CEP83: variants seen among roughly 807,000 people sequenced by gnomAD.
The protein encoded by CEP83 is centrosomal protein 83, also known as centrosomal protein of 83 kDa.
In CEP83, 70 loss-of-function variants were observed where a neutral mutation model predicts 101.9. The observed-to-expected ratio is 0.69, with a 90% CI of 0.57 to 0.84. CEP83 has a LOEUF of 0.84. CEP83 is among the 40% of genes least tolerant of loss of function. The pLI is 0.00. For missense variants in CEP83, 715 were observed against 787.2 expected (o/e 0.91, Z 1.10); for synonymous variants, 264 against 267.9 (o/e 0.99, Z 0.14).
At chr12:94,426,836 A>G (rs2065238628) in intron 2 of CEP83, among the ~76,000 whole-genome samples, 1 of 152,214 alleles carries the variant, frequency 6.6e-6, no homozygotes, top group African/African-American at 2.4e-5. Context: ...GACTGGAAAG[A>G]TGTAGCCATA....
chr12:94,361,846 C>T lies in CEP83; in HGVS notation c.1343+5948G>A, dbSNP rs139138290. Among the ~76,000 whole-genome samples, 215 of 152,114 alleles carry T rather than the reference C, an allele frequency of 1.4e-3. 1 individual carries two copies. The East Asian group carries it at 0.036, about 26-fold the overall frequency. ...CCTCCAGTGTAGCTGGGATTACTGGCGCACACTACCAGGCCCAGCTAATTT... is the reference window on the plus strand; with the variant it reads ...CCTCCAGTGTAGCTGGGATTACTGGTGCACACTACCAGGCCCAGCTAATTT... On this transcript the variant is annotated intron_variant, in intron 11 of 16. Coordinates refer to ENST00000397809, the MANE Select transcript of CEP83 (RefSeq NM_016122.3).
intron 1 of CEP83, among the ~76,000 whole-genome samples, chr12:94,456,694 G>C (rs991364808): frequency 6.6e-6 from 1 of 152,142 alleles, no homozygotes; most frequent in Non-Finnish European, 1.5e-5. Flanking sequence ...ACAGTATGGG[G>C]GAAACCGCCG....
intron 8 of CEP83, among the ~76,000 whole-genome samples, chr12:94,371,158 G>A (rs991338185): frequency 2.0e-5 from 3 of 152,184 alleles, no homozygotes; most frequent in African/African-American, 7.2e-5. Context: ...AATCTGTGGA[G>A]GAATGGCAGG....
intron 11 of CEP83, among the ~76,000 whole-genome samples, chr12:94,349,147 G>A (rs1247670702): frequency 2.6e-5 from 4 of 151,902 alleles, no homozygotes; most frequent in Non-Finnish European, 5.9e-5. Flanking sequence ...TTAGCTAGGT[G>A]TGGTGGTGGG....
At chr12:94,424,430 G>T in intron 2 of CEP83, 2 of 1,614,028 alleles carry the variant, frequency 1.2e-6, no homozygotes, top group Non-Finnish European at 1.7e-6. Context: ...CTCCATCCTT[G>T]CAAAGCCAAC....
At chr12:94,412,876 G>A (rs371787010) in intron 2 of CEP83, among the ~76,000 whole-genome samples, 10 of 148,846 alleles carry the variant, frequency 6.7e-5, no homozygotes, top group South Asian at 2.1e-4. Context: ...TTTTTGAGAC[G>A]GAGTCTCGCT....
intron 6 of CEP83, 93 bp from the exon 7 acceptor site, chr12:94,379,135 CA>C: frequency 9.0e-7 from 1 of 1,116,724 alleles, no homozygotes; most frequent in Non-Finnish European, 1.3e-6. Flanking sequence ...AAAAAATGCA[CA>C]AAATCAAAGC....
rs139864875 is a variant in CEP83, at chr12:94,416,972, G to A, written c.-101-4381C>T. Reference sequence around the variant, plus strand: ...CCTGGCAATAACAAAGACCCCTCCCGCAACCCCCCTCCCAAAAAAAACTAA... The same window carrying A: ...CCTGGCAATAACAAAGACCCCTCCCACAACCCCCCTCCCAAAAAAAACTAA... On this transcript the variant is annotated intron_variant, in intron 2 of 16. Transcript: ENST00000397809. Among the ~76,000 whole-genome samples, 147 of 151,856 alleles carry A rather than the reference G, an allele frequency of 9.7e-4. 1 individual carries two copies. The highest frequency in any genetic ancestry group is 5.0e-3 in the East Asian group (26 of 5,152).
chr12:94,331,594 G>A (rs1447694594), intron 14 of CEP83, 106 bp downstream of exon 14: 12 of 901,966 alleles, frequency 1.3e-5, no homozygotes, highest in African/African-American at 5.0e-5. Context: ...TGGTCTCAAT[G>A]ATCTCCTGAC....
At chr12:94,362,645 C>T (rs996813763) in intron 11 of CEP83, among the ~76,000 whole-genome samples, 10 of 151,978 alleles carry the variant, frequency 6.6e-5, no homozygotes, top group Non-Finnish European at 1.2e-4. Context: ...TCAAAAAAAA[C>T]TGAAACAGAA....
intron 4 of CEP83, among the ~76,000 whole-genome samples, chr12:94,405,848 G>T (rs914803916): frequency 4.6e-5 from 7 of 152,180 alleles, no homozygotes; most frequent in Admixed American, 3.3e-4. Context: ...AGACAGGGTA[G>T]CAGAGAAAAG....
chr12:94,411,398 C>T (rs1311535707), intron 4 of CEP83, among the ~76,000 whole-genome samples: 3 of 151,986 alleles, frequency 2.0e-5, no homozygotes, highest in Non-Finnish European at 4.4e-5. Flanking sequence ...TTCTTTAATT[C>T]TGAATTTTTA....
intron 11 of CEP83, among the ~76,000 whole-genome samples, chr12:94,343,151 T>G (rs1351452756): frequency 1.3e-5 from 2 of 151,720 alleles, no homozygotes; most frequent in African/African-American, 4.8e-5. Flanking sequence ...AACTTCATAC[T>G]CTTATAAGAC....
Position 94,367,829 on chromosome 12 carries a change from T to C in CEP83, c.1308A>G (p.Ala436=). 1 of 1,613,424 alleles carries C rather than the reference T, an allele frequency of 6.2e-7. No individual in the cohort carries two copies. The highest frequency in any genetic ancestry group is 8.5e-7 in the Non-Finnish European group (1 of 1,179,752). Residue 436 remains alanine, a synonymous_variant, in exon 11 of 17, where the codon GCA becomes GCG. Coordinates refer to ENST00000397809, the MANE Select transcript of CEP83 (RefSeq NM_016122.3). ...GAAGCTCCTTCCTGGTGATCTCTTC[T>C]GCCATCTGTGAAGCCCGCAATTTCT... is the stretch of plus-strand genomic sequence containing the variant. ...YEEKLRASQM[A]EEITRKELQS... is the part of the protein sequence containing the mutation.
intron 2 of CEP83, among the ~76,000 whole-genome samples, chr12:94,429,753 T>TA (rs1007591122): frequency 6.6e-6 from 1 of 152,058 alleles, no homozygotes; most frequent in African/African-American, 2.4e-5. Context: ...CTGCCCAGGC[T>TA]AAAGCACAAG....
rs547311443 is a variant in CEP83, at chr12:94,423,658, C to T, written c.-101-11067G>A. ...GCAGGGCCGACGGATGGTCTCCATT[C>T]CTGGTTAACCCTCTGGAATTTGGGA... On this transcript the variant is annotated intron_variant, in intron 2 of 16. Transcript: ENST00000397809. 3.2e-6 allele frequency: 5 copies of T among 1,561,288 alleles called. No homozygotes were observed. In the South Asian group the frequency reaches 4.7e-5, roughly 15 times the overall value.
the CEP83 span, among the ~76,000 whole-genome samples, chr12:94,276,512 C>G: frequency 6.6e-6 from 1 of 152,154 alleles, no homozygotes; most frequent in Non-Finnish European, 1.5e-5. Context: ...GCGGGGATGG[C>G]ATAGCCGAGG....
At chr12:94,454,095 CAAA>C (rs200038665) in intron 1 of CEP83, among the ~76,000 whole-genome samples, 3 of 100,360 alleles carry the variant, frequency 3.0e-5, no homozygotes, top group Non-Finnish European at 2.1e-5. Flanking sequence ...GACTATGTCT[CAAA>C]AAAAAAAAAA....
chr12:94,313,698 G>A (rs1311263656), intron 14 of CEP83, among the ~76,000 whole-genome samples: 3 of 152,118 alleles, frequency 2.0e-5, no homozygotes, highest in African/African-American at 4.8e-5. Flanking sequence ...TTAGCTGGGC[G>A]TGGTGGCGGG....
Sources: allele counts gnomAD v4.1 joint callset (sites outside exome capture counted in the v4.1 genomes callset), GRCh38; gene constraint gnomAD v4.1.1; transcripts MANE v1.5; gene names NCBI Gene and HGNC (gene_info 2026-07-23, HGNC 2026-07-21).